PIP4K2B: variants seen among roughly 807,000 people sequenced by gnomAD.
PIP4K2B encodes the protein phosphatidylinositol-5-phosphate 4-kinase type 2 beta, also known as phosphatidylinositol 5-phosphate 4-kinase type-2 beta.
In PIP4K2B, 3 loss-of-function variants were observed where a neutral mutation model predicts 42.0. That is an observed-to-expected ratio of 0.07 (90% CI 0.03 to 0.18). The LOEUF is 0.18. Among genes scored for constraint, PIP4K2B ranks in the 10% least tolerant of loss-of-function variants. The pLI is 1.00. For missense variants in PIP4K2B, 332 were observed against 562.3 expected, an observed-to-expected ratio of 0.59 and a Z score of 4.14; for synonymous variants, 204 against 210.1, an observed-to-expected ratio of 0.97 and a Z score of 0.25.
chr17:38,777,941 G>A, intron 6 of PIP4K2B, 141 bp from the exon 7 acceptor site: 2 of 643,280 alleles, frequency 3.1e-6, no homozygotes, highest in East Asian at 2.7e-5. Context: ...TAAATCAGCA[G>A]TGCAGGAGCC....
chr17:38,769,833 T>TG, intron 9 of PIP4K2B, 62 bp from the exon 10 acceptor site: 1 of 1,479,198 alleles, frequency 6.8e-7, no homozygotes, highest in African/African-American at 1.4e-5. Flanking sequence ...AGGCTGCACA[T>TG]GGGGGGAGCC....
intron 1 of PIP4K2B, among the ~76,000 whole-genome samples, chr17:38,794,256 A>G (rs754085963): frequency 3.9e-5 from 6 of 152,248 alleles, no homozygotes; most frequent in African/African-American, 1.4e-4. Context: ...TTCTCCTTAT[A>G]TAAGGTTTCA....
intron 7 of PIP4K2B, among the ~76,000 whole-genome samples, 155 bp from the exon 8 acceptor site, chr17:38,771,427 C>T (rs112787943): frequency 1.1e-3 from 25 of 22,036 alleles, no homozygotes; most frequent in African/African-American, 4.0e-3. Context: ...CACCCGCCCT[C>T]GCGAGCTCTC....
Position 38,780,063 on chromosome 17 carries a change from T to A in PIP4K2B, c.507+389A>T, listed in dbSNP as rs1909608576. 3 of 185,772 alleles carry A rather than the reference T, an allele frequency of 1.6e-5. No individual in the cohort carries two copies. In the South Asian group the frequency reaches 5.0e-4, roughly 31 times the overall value. 11.5% of individuals were successfully genotyped at this position (185,772 alleles called of 1,614,324 possible). ...GGTGCCCCAGAAATGAAGACCCAAG[T>A]AGGCTGAGGACAGACACACAGATGG... On this transcript the variant is annotated intron_variant, in intron 4 of 9. Coordinates refer to ENST00000619039, the MANE Select transcript of PIP4K2B (RefSeq NM_003559.5).
chr17:38,798,109 A>G (rs1014789215), intron 1 of PIP4K2B, among the ~76,000 whole-genome samples: 9 of 152,214 alleles, frequency 5.9e-5, no homozygotes, highest in African/African-American at 2.2e-4. Flanking sequence ...AAAGCAATGC[A>G]AAGTCTTGCT....
intron 1 of PIP4K2B, among the ~76,000 whole-genome samples, chr17:38,795,199 T>C (rs2143493655): frequency 6.6e-6 from 1 of 151,800 alleles, no homozygotes; most frequent in African/African-American, 2.4e-5. Flanking sequence ...GACCTGTATC[T>C]AGAATATAAA....
intron 7 of PIP4K2B, among the ~76,000 whole-genome samples, chr17:38,773,437 A>G (rs145631760): frequency 6.6e-5 from 10 of 152,322 alleles, no homozygotes; most frequent in African/African-American, 9.6e-5. Context: ...TCTCATCTGT[A>G]TAATGGGTGC....
intron 3 of PIP4K2B, among the ~76,000 whole-genome samples, chr17:38,783,741 T>C (rs1316110211): frequency 6.6e-6 from 1 of 152,052 alleles, no homozygotes; most frequent in Admixed American, 6.5e-5. Context: ...GGTGGGACTA[T>C]AGGCGCACAT....
chr17:38,796,627 G>C (rs1024919826), intron 1 of PIP4K2B, among the ~76,000 whole-genome samples: 1 of 152,148 alleles, frequency 6.6e-6, no homozygotes, highest in Non-Finnish European at 1.5e-5. Flanking sequence ...TTGTCCATGA[G>C]AGCAGCTCCT....
chr17:38,781,145 C>G (rs1909689604), intron 3 of PIP4K2B, among the ~76,000 whole-genome samples: 1 of 152,092 alleles, frequency 6.6e-6, no homozygotes, highest in Non-Finnish European at 1.5e-5. Flanking sequence ...TACCCTAATG[C>G]TGAAAAACCT....
At chr17:38,786,020 G>A (rs1909992335) in intron 2 of PIP4K2B, among the ~76,000 whole-genome samples, 2 of 152,200 alleles carry the variant, frequency 1.3e-5, no homozygotes, top group South Asian at 2.1e-4. Context: ...TACTTACTAT[G>A]GCAGAGGGAG....
At chr17:38,790,825 C>G (rs542391493) in intron 1 of PIP4K2B, among the ~76,000 whole-genome samples, 2 of 152,086 alleles carry the variant, frequency 1.3e-5, no homozygotes, top group Non-Finnish European at 2.9e-5. Context: ...GGAGACTTAC[C>G]CCTCATTTCT....
intron 2 of PIP4K2B, among the ~76,000 whole-genome samples, chr17:38,785,438 G>C (rs560937062): frequency 6.6e-6 from 1 of 152,080 alleles, no homozygotes; most frequent in Admixed American, 6.6e-5. Flanking sequence ...TTGGGAGGCC[G>C]AGGCAGGTGG....
intron 8 of PIP4K2B, 110 bp downstream of exon 8, chr17:38,770,904 C>T: frequency 8.0e-7 from 1 of 1,257,006 alleles, no homozygotes; most frequent in Non-Finnish European, 1.1e-6. Flanking sequence ...AGGTCAAAGG[C>T]AGCAATGAAT....
At chr17:38,772,221 C>A (rs1294386418) in intron 7 of PIP4K2B, among the ~76,000 whole-genome samples, 1 of 152,132 alleles carries the variant, frequency 6.6e-6, no homozygotes, top group Non-Finnish European at 1.5e-5. Flanking sequence ...AGTAGTCCAC[C>A]CTTATCCACA....
At chr17:38,780,280 A>G (rs1485497964) in intron 4 of PIP4K2B, among the ~76,000 whole-genome samples, 172 bp downstream of exon 4, 2 of 152,108 alleles carry the variant, frequency 1.3e-5, no homozygotes, top group Admixed American at 6.5e-5. Context: ...TCTTTTTTAA[A>G]GTAGGCATTT....
chr17:38,792,803 T>TAAA (rs1910409735), intron 1 of PIP4K2B: 1 of 152,230 alleles, frequency 6.6e-6, no homozygotes, highest in African/African-American at 2.4e-5. Flanking sequence ...AATCTACCGG[T>TAAA]GTTTACTCCT....
intron 1 of PIP4K2B, among the ~76,000 whole-genome samples, chr17:38,790,320 G>A (rs958360870): frequency 6.6e-6 from 1 of 152,172 alleles, no homozygotes; most frequent in African/African-American, 2.4e-5. Context: ...ACAATTCGTG[G>A]TGGCTGTCCC....
At chr17:38,773,442 G>C (rs964126985) in intron 7 of PIP4K2B, among the ~76,000 whole-genome samples, 27 of 152,120 alleles carry the variant, frequency 1.8e-4, no homozygotes, top group African/African-American at 6.5e-4. Context: ...TCTGTATAAT[G>C]GGTGCTGTGA....
Sources: gnomAD v4.1 joint callset for allele counts (sites outside exome capture counted in the v4.1 genomes callset) on GRCh38, gnomAD v4.1.1 for gene constraint, MANE v1.5 for transcripts, NCBI Gene and HGNC (gene_info 2026-07-23, HGNC 2026-07-21) for gene names.